The following ITGA8 variants were observed in gnomAD, a reference collection of about 807,000 sequenced individuals.
ITGA8 encodes the protein integrin subunit alpha 8, also known as integrin alpha-8.
A neutral mutation model predicts 142.3 loss-of-function variants in ITGA8; 91 were observed. The observed-to-expected ratio is 0.64, with a 90% CI of 0.54 to 0.76. The LOEUF is 0.76. Ranked by LOEUF, ITGA8 falls within the 30% of genes least tolerant of loss-of-function variation. The probability of loss-of-function intolerance (pLI) is 0.00; values close to 1 mark genes in which losing one functional copy is unlikely to be tolerated. For synonymous variants in ITGA8, 505 were observed against 485.2 expected, an observed-to-expected ratio of 1.04 and a Z score of -0.54; for missense variants, 1,406 against 1,327.7, an observed-to-expected ratio of 1.06 and a Z score of -0.92.
At chr10:15,659,766 A>G (rs545106359) in intron 9 of ITGA8, among the ~76,000 whole-genome samples, 1 of 152,350 alleles carries the variant, frequency 6.6e-6, no homozygotes, top group South Asian at 2.1e-4. Flanking sequence ...GAGAAGACAC[A>G]TGTAGACAGA....
At chr10:15,574,649 G>A (rs12415871) in intron 24 of ITGA8, among the ~76,000 whole-genome samples, 19,059 of 151,430 alleles carry the variant, frequency 0.13, 2,066 homozygotes, top group East Asian at 0.29. Flanking sequence ...TTGGCCTCCC[G>A]AAGTGCTGGG....
intron 24 of ITGA8, among the ~76,000 whole-genome samples, chr10:15,573,944 CT>C (rs1337478821): frequency 2.6e-5 from 4 of 151,430 alleles, no homozygotes; most frequent in African/African-American, 4.8e-5. Flanking sequence ...TAAACTAACC[CT>C]TTGCTATATG....
At chr10:15,537,367 C>T (rs1833466317) in intron 27 of ITGA8, among the ~76,000 whole-genome samples, 2 of 152,190 alleles carry the variant, frequency 1.3e-5, no homozygotes, top group Non-Finnish European at 2.9e-5. Flanking sequence ...GAAATTTGGG[C>T]TAAGGATGTG....
chr10:15,680,972 T>A (rs1290601501), intron 4 of ITGA8, among the ~76,000 whole-genome samples: 1 of 152,120 alleles, frequency 6.6e-6, no homozygotes, highest in African/African-American at 2.4e-5. Context: ...AATTATGTCC[T>A]AGAGTGAACT....
chr10:15,618,170 C>T (rs1833428444), intron 13 of ITGA8, among the ~76,000 whole-genome samples: 1 of 152,074 alleles, frequency 6.6e-6, no homozygotes, highest in Admixed American at 6.6e-5. Context: ...AGCCTAAACC[C>T]CTTTATGCAA....
chr10:15,719,257 C>T (rs1835512158), intron 1 of ITGA8, among the ~76,000 whole-genome samples: 1 of 152,196 alleles, frequency 6.6e-6, no homozygotes, highest in African/African-American at 2.4e-5. Flanking sequence ...GCTGTGGTGG[C>T]GGTTTTAACT....
intron 2 of ITGA8, among the ~76,000 whole-genome samples, chr10:15,692,850 T>G (rs977004653): frequency 2.0e-5 from 3 of 152,186 alleles, no homozygotes; most frequent in Non-Finnish European, 4.4e-5. Flanking sequence ...GGTGGATCAC[T>G]TGAGGCCAGG....
rs761998945 is a variant in ITGA8, at chr10:15,519,402, G to C, written c.2993C>G (p.Ser998Ter). The C allele has an allele frequency of 1.2e-6, 2 of 1,613,472 alleles. No individual in the cohort carries two copies. Among genetic ancestry groups the C allele is most frequent in the South Asian group, 2.2e-5 (2 of 90,986 alleles). The part of the protein sequence containing the change: ...LPEGSIVIKT[S>*]VIWATPNVSF... ...AACATTCGGAGTTGCCCAAATAACT[G>C]ATGTCTTAATCTGAAATGGAAAACA... The change falls in exon 29 of 30, where the codon TCA becomes TGA. Residue 998 changes from serine (S) to a stop codon, truncating the protein, a stop_gained. Transcript: ENST00000378076. LOFTEE classifies it high-confidence loss of function.
At chr10:15,533,704 T>C (rs184435058) in intron 27 of ITGA8, among the ~76,000 whole-genome samples, 2 of 152,356 alleles carry the variant, frequency 1.3e-5, no homozygotes, top group East Asian at 3.9e-4. Context: ...CATCAAAATC[T>C]TTCTAGATGG....
intron 2 of ITGA8, among the ~76,000 whole-genome samples, chr10:15,717,547 A>T (rs1752414048): frequency 6.6e-6 from 1 of 152,200 alleles, no homozygotes; most frequent in Admixed American, 6.5e-5. Flanking sequence ...TAATACTCAA[A>T]TTTAAAAGTA....
Position 15,719,591 on chromosome 10 carries a change from C to T in ITGA8, c.181G>A (p.Val61Met), listed in dbSNP as rs761811387. Residue 61 changes from valine (V) to methionine (M), a missense_variant, in exon 1 of 30, where the codon GTG becomes ATG. Physicochemically the swap from Val to Met is conservative, Grantham distance 21 (BLOSUM62 1). Transcript: ENST00000378076. ...GPKGSYFGYA[V>M]DFHIPDARTA... ...CGGGCGTCGGGTATGTGGAAGTCCACGGCGTAGCCGAAGTAGCTGCCCTTG... is the reference window on the plus strand; with the variant it reads ...CGGGCGTCGGGTATGTGGAAGTCCATGGCGTAGCCGAAGTAGCTGCCCTTG... 9 of 1,559,950 alleles carry T rather than the reference C, an allele frequency of 5.8e-6. No homozygotes were observed. In the East Asian group the frequency reaches 2.0e-4, roughly 35 times the overall value.
intron 15 of ITGA8, among the ~76,000 whole-genome samples, chr10:15,610,280 G>T (rs10752024): frequency 0.72 from 109,891 of 151,990 alleles, 40,042 homozygotes; most frequent in South Asian, 0.87. Context: ...ATGTGTTCAT[G>T]CTGAATTTAG....
At position 15,664,683 on chromosome 10, in the gene ITGA8, C is replaced by T. The variant is rs1357159144; in HGVS notation, c.848-3761G>A. ...CCTCCCCCCTCCCCCCAACCCACAACAGTCCCCAGTGTGTGATGCTCCCCT... is the reference window on the plus strand; with the variant it reads ...CCTCCCCCCTCCCCCCAACCCACAATAGTCCCCAGTGTGTGATGCTCCCCT... On this transcript the variant is annotated intron_variant, in intron 8 of 29. Coordinates refer to ENST00000378076, the MANE Select transcript of ITGA8 (RefSeq NM_003638.3). Among the ~76,000 whole-genome samples the T allele has an allele frequency of 2.2e-5, 3 of 137,818 alleles. No individual in the cohort carries two copies. In the East Asian group the frequency reaches 6.4e-4, roughly 29 times the overall value. The allele number at this position is 137,818 out of a possible 152,430, so 90.4% of individuals were successfully genotyped here. A position where few individuals can be genotyped will look rare whatever the true frequency, so the allele number is the denominator to read the frequency against.
chr10:15,606,852 T>C (rs187807857), intron 17 of ITGA8, among the ~76,000 whole-genome samples: 42 of 152,320 alleles, frequency 2.8e-4, no homozygotes, highest in African/African-American at 9.6e-4. Flanking sequence ...ATTCTCTTCC[T>C]CTCATCATCT....
At chr10:15,552,708 C>G (rs757374100) in intron 26 of ITGA8, among the ~76,000 whole-genome samples, 1 of 152,170 alleles carries the variant, frequency 6.6e-6, no homozygotes, top group African/African-American at 2.4e-5. Flanking sequence ...GGGCAGGCCC[C>G]GGTGTGTGAT....
At chr10:15,557,993 T>C in intron 26 of ITGA8, 81 bp downstream of exon 26, 1 of 1,534,838 alleles carries the variant, frequency 6.5e-7, no homozygotes, top group South Asian at 1.2e-5. Context: ...GAACAATCCT[T>C]GAAGTTAAAA....
rs1476049062 is a variant in ITGA8 at position 15,558,152 on chromosome 10, G to A, written c.2688C>T (p.Asn896=). 2 of 1,614,138 alleles carry A rather than the reference G, an allele frequency of 1.2e-6. No individual in the cohort carries two copies. Among genetic ancestry groups the A allele is most frequent in the Non-Finnish European group, 1.7e-6 (2 of 1,180,050 alleles). ...TCCTGACAAGATGAGGAATAGTAGA[G>A]TTTCGCAAAAAGGCGCTGAGCTCAG... ...DTPELSAFLR[N]STIPHLVRKR... Residue 896 remains asparagine (N), a synonymous_variant, in exon 26 of 30, where the codon AAC becomes AAT. Transcript: ENST00000378076.
At chr10:15,591,657 T>C (rs1254835606) in intron 22 of ITGA8, among the ~76,000 whole-genome samples, 3 of 152,142 alleles carry the variant, frequency 2.0e-5, no homozygotes, top group African/African-American at 7.2e-5. Flanking sequence ...AAGTTACAGC[T>C]GAATTCTCAA....
intron 14 of ITGA8, among the ~76,000 whole-genome samples, chr10:15,615,658 C>A (rs1026266267): frequency 1.3e-5 from 2 of 152,080 alleles, no homozygotes; most frequent in Non-Finnish European, 2.9e-5. Flanking sequence ...GGATTACAGG[C>A]GTGTACCACC....
Sources: allele counts gnomAD v4.1 joint callset (sites outside exome capture counted in the v4.1 genomes callset), GRCh38; gene constraint gnomAD v4.1.1; transcripts MANE v1.5; gene names NCBI Gene and HGNC (gene_info 2026-07-23, HGNC 2026-07-21).